Variants in PXDNL observed in about 807,000 individuals in gnomAD.
PXDNL encodes peroxidasin like.
PXDNL carries 145 observed loss-of-function variants against 150.8 expected under a neutral mutation model. That is an observed-to-expected ratio of 0.96 (90% CI 0.84 to 1.10). The LOEUF (loss-of-function observed/expected upper bound fraction) is 1.10, where lower values mean the gene tolerates loss of function less well. Ranked by LOEUF, PXDNL falls within the 50% of genes least tolerant of loss-of-function variation. PXDNL has a pLI of 0.00. For missense variants in PXDNL, 2,087 were observed against 1,873.9 expected, an observed-to-expected ratio of 1.11 and a Z score of -2.10; for synonymous variants, 757 against 725.7, an observed-to-expected ratio of 1.04 and a Z score of -0.69.
At position 51,593,003 on chromosome 8, in the gene PXDNL, A is replaced by T. The variant is rs957418983; in HGVS notation, c.237-305T>A. ...CATACCATCTAAAAAGAAAATTATC[A>T]ACATAGTCATGGTAACAAAGGAACA... On this transcript the variant is annotated intron_variant, in intron 2 of 22. Coordinates refer to ENST00000356297, the MANE Select transcript of PXDNL (RefSeq NM_144651.5). Among the ~76,000 whole-genome samples, 3 of 152,202 alleles carry T rather than the reference A, an allele frequency of 2.0e-5. 1 individual carries two copies. The South Asian group carries it at 6.2e-4, about 32-fold the overall frequency.
At position 51,413,163 on chromosome 8, in the gene PXDNL, G is replaced by A; in HGVS notation, c.1891C>T (p.His631Tyr). 1 of 1,588,262 alleles carries A rather than the reference G, an allele frequency of 6.3e-7. No individual in the cohort carries two copies. Among genetic ancestry groups the A allele is most frequent in the Non-Finnish European group, 8.6e-7 (1 of 1,156,938 alleles). Residue 631 changes from histidine (H) to tyrosine (Y), a missense_variant, in exon 15 of 23, where the codon CAT (histidine) becomes TAT (tyrosine). By Grantham distance (83) the His-to-Tyr change is moderately conservative. Transcript: ENST00000356297. The part of the protein sequence containing the change: ...VDSAINSTRR[H>Y]LFSQKPHTSS... Reference sequence around the variant, plus strand: ...ATAAATTCTTACTGTGAAAACAAATGTCTTCGTGTGGAGTTAATTGCACTG... The same window carrying A: ...ATAAATTCTTACTGTGAAAACAAATATCTTCGTGTGGAGTTAATTGCACTG...
At chr8:51,546,458 G>A (rs1812362707) in intron 4 of PXDNL, among the ~76,000 whole-genome samples, 1 of 152,154 alleles carries the variant, frequency 6.6e-6, no homozygotes, top group African/African-American at 2.4e-5. Flanking sequence ...AGGCACTCCT[G>A]GTCACCAGCT....
intron 6 of PXDNL, among the ~76,000 whole-genome samples, chr8:51,481,145 T>TG (rs1810596096): frequency 6.6e-6 from 1 of 152,178 alleles, no homozygotes. Context: ...TGGGAAAGCT[T>TG]GGAACCTCCG....
At chr8:51,465,064 A>G (rs1281313418) in intron 8 of PXDNL, among the ~76,000 whole-genome samples, 2 of 152,146 alleles carry the variant, frequency 1.3e-5, no homozygotes, top group Non-Finnish European at 2.9e-5. Flanking sequence ...TGAAGTGAAT[A>G]TCATCCTGAT....
At chr8:51,784,043 GGTGT>G (rs1362469775) in intron 1 of PXDNL, among the ~76,000 whole-genome samples, 6 of 152,256 alleles carry the variant, frequency 3.9e-5, no homozygotes, top group African/African-American at 1.4e-4. Context: ...TGAACTAGCA[GGTGT>G]ATGTTGATAG....
intron 21 of PXDNL, among the ~76,000 whole-genome samples, chr8:51,321,855 G>A (rs549289990): frequency 2.0e-5 from 3 of 152,132 alleles, no homozygotes; most frequent in Non-Finnish European, 4.4e-5. Flanking sequence ...AGGGAATGAG[G>A]GGATGCCTGA....
chr8:51,558,639 A>G (rs1812646727), intron 3 of PXDNL, among the ~76,000 whole-genome samples: 2 of 152,238 alleles, frequency 1.3e-5, no homozygotes, highest in Admixed American at 1.3e-4. Context: ...TTCCCATAAT[A>G]TTTTATCTCA....
rs547395953 is a variant in PXDNL, at chr8:51,583,940, T to C, written c.308+8687A>G. ...AGAAAAGATAGACGTATAGGAAGGCTGGATGAGTCGCCCAAAGAGGACCTT... is the reference window on the plus strand; with the variant it reads ...AGAAAAGATAGACGTATAGGAAGGCCGGATGAGTCGCCCAAAGAGGACCTT... On this transcript the variant is annotated intron_variant, in intron 3 of 22. Coordinates refer to ENST00000356297, the MANE Select transcript of PXDNL (RefSeq NM_144651.5). Among the ~76,000 whole-genome samples the C allele has an allele frequency of 2.0e-5, 3 of 152,332 alleles. No individual in the cohort carries two copies. In the East Asian group the frequency reaches 5.8e-4, roughly 29 times the overall value.
chr8:51,333,116 C>T (rs182891933), intron 21 of PXDNL, among the ~76,000 whole-genome samples: 2 of 152,256 alleles, frequency 1.3e-5, no homozygotes, highest in Admixed American at 6.5e-5. Flanking sequence ...TAAAGGAAAA[C>T]CTATCAGATT....
chr8:51,667,735 C>T (rs1010966270), intron 1 of PXDNL, among the ~76,000 whole-genome samples: 3 of 152,224 alleles, frequency 2.0e-5, no homozygotes, highest in African/African-American at 7.2e-5. Flanking sequence ...TTTGGAAGTA[C>T]AGCTTCAGTT....
intron 17 of PXDNL, among the ~76,000 whole-genome samples, chr8:51,378,882 A>G (rs1263239947): frequency 1.3e-5 from 2 of 152,196 alleles, no homozygotes; most frequent in African/African-American, 4.8e-5. Flanking sequence ...CAAACTCTGG[A>G]CACATCACCT....
chr8:51,798,827 A>G (rs1280462863), intron 1 of PXDNL, among the ~76,000 whole-genome samples: 1 of 152,200 alleles, frequency 6.6e-6, no homozygotes, highest in African/African-American at 2.4e-5. Flanking sequence ...CAATCCCATT[A>G]CTGGGTATAT....
intron 2 of PXDNL, among the ~76,000 whole-genome samples, chr8:51,641,797 G>A (rs56037615): frequency 0.11 from 16,945 of 152,048 alleles, 1,529 homozygotes; most frequent in African/African-American, 0.23. Flanking sequence ...AGTCAGTGTG[G>A]CGATTCCTCA....
chr8:51,695,490 G>A (rs569865391), intron 1 of PXDNL, among the ~76,000 whole-genome samples: 4 of 151,920 alleles, frequency 2.6e-5, no homozygotes, highest in East Asian at 3.9e-4. Flanking sequence ...ACGCACACAC[G>A]CACGCACGCA....
At chr8:51,401,441 C>T (rs1808246109) in intron 17 of PXDNL, among the ~76,000 whole-genome samples, 1 of 152,136 alleles carries the variant, frequency 6.6e-6, no homozygotes, top group Non-Finnish European at 1.5e-5. Flanking sequence ...GAAGACAAGA[C>T]GCTGGTCCTC....
At chr8:51,547,168 A>T (rs1430560011) in intron 4 of PXDNL, among the ~76,000 whole-genome samples, 1 of 152,148 alleles carries the variant, frequency 6.6e-6, no homozygotes, top group Non-Finnish European at 1.5e-5. Flanking sequence ...GGGCAAACCC[A>T]TATCCCCCTC....
chr8:51,757,146 C>A (rs1585726372), intron 1 of PXDNL, among the ~76,000 whole-genome samples: 1 of 152,024 alleles, frequency 6.6e-6, no homozygotes, highest in Admixed American at 6.5e-5. Flanking sequence ...AACTTCATTG[C>A]CCAGAGGTGG....
At chr8:51,559,007 A>T (rs778251334) in intron 3 of PXDNL, among the ~76,000 whole-genome samples, 1 of 151,644 alleles carries the variant, frequency 6.6e-6, no homozygotes, top group Non-Finnish European at 1.5e-5. Context: ...GAGGTTAGAA[A>T]ATTGGGGTTG....
intron 5 of PXDNL, among the ~76,000 whole-genome samples, chr8:51,488,609 T>C (rs998330963): frequency 6.6e-6 from 1 of 152,242 alleles, no homozygotes; most frequent in Admixed American, 6.5e-5. Context: ...TTCCTCATTC[T>C]GGAATTTAGG....
Sources: gnomAD v4.1 joint callset for allele counts (sites outside exome capture counted in the v4.1 genomes callset) on GRCh38, gnomAD v4.1.1 for gene constraint, MANE v1.5 for transcripts, NCBI Gene and HGNC (gene_info 2026-07-23, HGNC 2026-07-21) for gene names.